The following TLK1 variants were observed in gnomAD, a reference collection of about 807,000 sequenced individuals.
TLK1 encodes tousled like kinase 1.
In TLK1, 24 loss-of-function variants were observed where a neutral mutation model predicts 105.3. The ratio of observed to expected loss-of-function variants is 0.23; its 90% CI spans 0.17 to 0.32. The LOEUF is 0.32. Among genes scored for constraint, TLK1 ranks in the 10% least tolerant of loss-of-function variants. The probability of loss-of-function intolerance (pLI) is 1.00; values close to 1 mark genes in which losing one functional copy is unlikely to be tolerated. For synonymous variants in TLK1, 321 were observed against 310.4 expected (o/e 1.03, Z -0.36); for missense variants, 558 against 910.5 (o/e 0.61, Z 4.98).
intron 11 of TLK1, among the ~76,000 whole-genome samples, chr2:171,038,443 T>A (rs540767678): frequency 2.0e-5 from 3 of 152,316 alleles, no homozygotes; most frequent in African/African-American, 7.2e-5. Context: ...CTTACATACA[T>A]AACTAAAGCT....
At chr2:170,997,468 A>G in intron 19 of TLK1, among the ~76,000 whole-genome samples, 1 of 152,294 alleles carries the variant, frequency 6.6e-6, no homozygotes, top group Middle Eastern at 3.4e-3. Flanking sequence ...AAATATTAGC[A>G]TGTTAACAGA....
At chr2:171,085,718 A>G (rs1331650586) in intron 2 of TLK1, among the ~76,000 whole-genome samples, 1 of 152,258 alleles carries the variant, frequency 6.6e-6, no homozygotes, top group African/African-American at 2.4e-5. Flanking sequence ...AGCCCTTCCT[A>G]AAGAATCTAC....
intron 8 of TLK1, among the ~76,000 whole-genome samples, chr2:171,051,856 A>G (rs1032050167): frequency 7.9e-5 from 12 of 152,236 alleles, no homozygotes; most frequent in African/African-American, 1.9e-4. Context: ...AGCTGGCAGT[A>G]TAAGAATGAG....
intron 20 of TLK1, chr2:170,994,723 C>T: frequency 1.9e-6 from 1 of 517,222 alleles, no homozygotes; most frequent in Non-Finnish European, 3.9e-6. Flanking sequence ...CTGGGTTAAC[C>T]TTTATCTTGA....
At chr2:171,155,223 T>C (rs1385672397) in intron 1 of TLK1, among the ~76,000 whole-genome samples, 5 of 152,170 alleles carry the variant, frequency 3.3e-5, no homozygotes, top group Admixed American at 2.0e-4. Flanking sequence ...CTATATAAAC[T>C]ATGCTCATAA....
chr2:171,011,352 A>C (rs1310887606), intron 14 of TLK1, 21 bp downstream of exon 14: 23 of 1,584,046 alleles, frequency 1.5e-5, no homozygotes, highest in Non-Finnish European at 2.0e-5. Context: ...TGTAAAAAAA[A>C]CAGAATAAAA....
intron 1 of TLK1, among the ~76,000 whole-genome samples, chr2:171,118,777 T>C (rs1690537655): frequency 6.6e-6 from 1 of 152,202 alleles, no homozygotes; most frequent in African/African-American, 2.4e-5. Flanking sequence ...GGGAACATTT[T>C]TGAACTATAC....
At chr2:171,044,756 G>A (rs534497827) in intron 11 of TLK1, among the ~76,000 whole-genome samples, 2 of 152,314 alleles carry the variant, frequency 1.3e-5, no homozygotes, top group South Asian at 4.1e-4. Flanking sequence ...CTGAGAAGAT[G>A]CAGCCGGATG....
chr2:171,176,327 T>C (rs185779624), intron 1 of TLK1, among the ~76,000 whole-genome samples: 1 of 152,316 alleles, frequency 6.6e-6, no homozygotes, highest in East Asian at 1.9e-4. Flanking sequence ...AAACCATCTC[T>C]ATGCAGATTA....
chr2:171,223,793 A>G (rs1390670123), intron 1 of TLK1, among the ~76,000 whole-genome samples: 2 of 150,778 alleles, frequency 1.3e-5, no homozygotes, highest in Non-Finnish European at 2.9e-5. Flanking sequence ...CACATTTTAA[A>G]ATCAATTTTT....
At chr2:171,040,131 A>AG (rs1460211201) in intron 11 of TLK1, among the ~76,000 whole-genome samples, 2 of 152,316 alleles carry the variant, frequency 1.3e-5, no homozygotes, top group East Asian at 3.9e-4. Flanking sequence ...ATAAAAGGTG[A>AG]GAAAAAAAGA....
At chr2:171,026,487 AAC>A (rs1685778895) in intron 12 of TLK1, among the ~76,000 whole-genome samples, 1 of 152,160 alleles carries the variant, frequency 6.6e-6, no homozygotes, top group Admixed American at 6.5e-5. Flanking sequence ...CAGATTTTAT[AAC>A]AGATTTTCAT....
chr2:171,099,701 A>C (rs1183142304), intron 2 of TLK1, among the ~76,000 whole-genome samples: 1 of 152,210 alleles, frequency 6.6e-6, no homozygotes, highest in Non-Finnish European at 1.5e-5. Flanking sequence ...ATAAACCCAT[A>C]TATTTACAAT....
chr2:171,022,094 C>CACACAGAG (rs1553605665), intron 12 of TLK1, among the ~76,000 whole-genome samples: 2 of 149,796 alleles, frequency 1.3e-5, no homozygotes, highest in African/African-American at 5.0e-5. Context: ...AAAACACACA[C>CACACAGAG]ACACACACAC....
chr2:171,178,529 A>G (rs567429015), intron 1 of TLK1, among the ~76,000 whole-genome samples: 43 of 152,312 alleles, frequency 2.8e-4, no homozygotes, highest in Non-Finnish European at 4.9e-4. Context: ...GACACCTCAT[A>G]ACAACAATGG....
chr2:171,188,298 A>T (rs1693074884), intron 1 of TLK1, among the ~76,000 whole-genome samples: 1 of 152,216 alleles, frequency 6.6e-6, no homozygotes, highest in African/African-American at 2.4e-5. Context: ...GGCTGGGCAC[A>T]GTGGCTCATG....
chr2:171,204,010 C>T lies in TLK1; in HGVS notation c.-6+27135G>A, dbSNP rs144639749. Among the ~76,000 whole-genome samples the T allele has an allele frequency of 2.2e-4, 33 of 151,802 alleles. No homozygotes were observed. In the East Asian group the frequency reaches 4.5e-3, roughly 21 times the overall value. ...CAGAGCTTGCAGTGAGCTGAAATCA[C>T]GCCACTGTACTCCAGCCTGGGTAAC... On this transcript the variant is annotated intron_variant, in intron 1 of 20. Coordinates refer to the TLK1 transcript ENST00000521943.
intron 1 of TLK1, among the ~76,000 whole-genome samples, chr2:171,152,660 C>CTA (rs1188760602): frequency 6.6e-6 from 1 of 152,120 alleles, no homozygotes; most frequent in African/African-American, 2.4e-5. Context: ...AAAGATCTGC[C>CTA]ACTAAAGCAT....
At chr2:170,998,125 C>T (rs113150277) in intron 18 of TLK1, among the ~76,000 whole-genome samples, 16 of 151,690 alleles carry the variant, frequency 1.1e-4, no homozygotes, top group African/African-American at 3.9e-4. Flanking sequence ...ACCTACCTAC[C>T]GAAACAAAAA....
Sources: allele counts gnomAD v4.1 joint callset (sites outside exome capture counted in the v4.1 genomes callset), GRCh38; gene constraint gnomAD v4.1.1; transcripts MANE v1.5; gene names NCBI Gene and HGNC (gene_info 2026-07-23, HGNC 2026-07-21).